Variants in NDUFAF6 observed in about 807,000 individuals in gnomAD.
NDUFAF6 encodes NADH dehydrogenase (ubiquinone) complex I, assembly factor 6.
A neutral mutation model predicts 40.8 loss-of-function variants in NDUFAF6; 45 were observed. The observed-to-expected ratio is 1.10, with a 90% CI of 0.87 to 1.42. NDUFAF6 has a LOEUF of 1.42. NDUFAF6 is among the 40% of genes most tolerant of loss of function. The pLI, the probability that NDUFAF6 is intolerant of heterozygous loss-of-function variation, is 0.00. For synonymous variants in NDUFAF6, 185 were observed against 155.9 expected (o/e 1.19, Z -1.39); for missense variants, 435 against 418.5 (o/e 1.04, Z -0.34).
At chr8:94,996,544 T>C (rs1172548935) in intron 2 of NDUFAF6, among the ~76,000 whole-genome samples, 9 of 152,220 alleles carry the variant, frequency 5.9e-5, no homozygotes. Flanking sequence ...GATAATTGGA[T>C]AGTTGATCTT....
At position 94,984,994 on chromosome 8, in the gene NDUFAF6, G is replaced by A. The variant is rs550060775; in HGVS notation, c.-84+4021G>A. ...CATTCTCAATGTATTTTCCTTGGTGGTAGGGCTGCCTTCCTCTCTGAAGGC... is the reference window on the plus strand; with the variant it reads ...CATTCTCAATGTATTTTCCTTGGTGATAGGGCTGCCTTCCTCTCTGAAGGC... On this transcript the variant is annotated intron_variant, in intron 2 of 9. Coordinates refer to the NDUFAF6 transcript ENST00000396111. Among the ~76,000 whole-genome samples, 16 of 152,182 alleles carry A rather than the reference G, an allele frequency of 1.1e-4. No individual in the cohort carries two copies. In the South Asian group the frequency reaches 3.3e-3, roughly 32 times the overall value.
intron 2 of NDUFAF6, among the ~76,000 whole-genome samples, chr8:94,990,497 C>T (rs115030452): frequency 0.01 from 1,546 of 152,188 alleles, 27 homozygotes; most frequent in African/African-American, 0.035. Context: ...TCTTGAGTTC[C>T]CTGCTCTCTT....
At chr8:94,937,020 T>C (rs1821044635) in intron 1 of NDUFAF6, among the ~76,000 whole-genome samples, 1 of 152,174 alleles carries the variant, frequency 6.6e-6, no homozygotes, top group African/African-American at 2.4e-5. Context: ...AGCTACAAAA[T>C]GGGTCTTGAG....
chr8:94,965,792 G>A (rs117279657), intron 1 of NDUFAF6, among the ~76,000 whole-genome samples: 1 of 152,320 alleles, frequency 6.6e-6, no homozygotes, highest in Non-Finnish European at 1.5e-5. Flanking sequence ...CTGGGAATAT[G>A]GACAGGGATG....
Position 94,990,743 on chromosome 8 carries a change from G to C in NDUFAF6, c.-84+9770G>C, listed in dbSNP as rs16917192. On this transcript the variant is annotated intron_variant, in intron 2 of 9. Coordinates refer to the NDUFAF6 transcript ENST00000396111. ...ATTTCCTCATGACAGGGAAAAAATG[G>C]ACAATTGGTCAACTTGACAAATGAG... is the stretch of plus-strand genomic sequence containing the variant. Among the ~76,000 whole-genome samples, 120 of 152,316 alleles carry C rather than the reference G, an allele frequency of 7.9e-4. 2 individuals are homozygous for C. The East Asian group carries it at 0.01, about 13-fold the overall frequency.
chr8:94,961,934 G>A (rs994410964), intron 1 of NDUFAF6, among the ~76,000 whole-genome samples: 5 of 152,188 alleles, frequency 3.3e-5, no homozygotes, highest in African/African-American at 4.8e-5. Context: ...GCCAGGGCCC[G>A]TCTCCAGCAT....
rs1402671627 is a variant in NDUFAF6, at chr8:95,111,643, A to G, written n.345-3893A>G. Among the ~76,000 whole-genome samples the G allele has an allele frequency of 5.9e-5, 9 of 151,990 alleles. No homozygotes were observed. The East Asian group carries it at 1.4e-3, about 23-fold the overall frequency. On this transcript the variant is annotated intron_variant and non_coding_transcript_variant, in intron 4 of 5. Coordinates refer to the NDUFAF6 transcript ENST00000523184. ...GCAGCATTCCTCCAGGCACACACAC[A>G]CCTGCCTGCTCATCGTGGGCACCAG...
chr8:94,964,721 G>A (rs762806325), intron 1 of NDUFAF6, among the ~76,000 whole-genome samples: 15 of 152,278 alleles, frequency 9.9e-5, no homozygotes, highest in African/African-American at 2.9e-4. Flanking sequence ...GGATGGCACC[G>A]AGCCATTCAT....
At chr8:94,998,972 CT>C (rs1214752525) in intron 2 of NDUFAF6, among the ~76,000 whole-genome samples, 4 of 151,926 alleles carry the variant, frequency 2.6e-5, no homozygotes, top group Non-Finnish European at 4.4e-5. Flanking sequence ...GGTTTTCAAA[CT>C]TCTTGACCAC....
upstream of NDUFAF6, among the ~76,000 whole-genome samples, chr8:95,095,500 C>A (rs979666607): frequency 6.6e-6 from 1 of 152,058 alleles, no homozygotes; most frequent in Non-Finnish European, 1.5e-5. Flanking sequence ...ATCCAGCACA[C>A]GTGGGAAGGT....
intron 3 of NDUFAF6, among the ~76,000 whole-genome samples, chr8:95,037,704 TAGTA>T (rs1194432524): frequency 6.6e-6 from 1 of 152,212 alleles, no homozygotes; most frequent in Non-Finnish European, 1.5e-5. Flanking sequence ...CCTTTACATT[TAGTA>T]TCAGTGACAT....
At chr8:95,096,278 GAC>G (rs1267505503), upstream of NDUFAF6, among the ~76,000 whole-genome samples, 1 of 152,178 alleles carries the variant, frequency 6.6e-6, no homozygotes, top group Admixed American at 6.5e-5. Context: ...CTGGGCAAGA[GAC>G]ACTGCAGACA....
chr8:95,029,259 A>C (rs1418996592), intron 1 of NDUFAF6, among the ~76,000 whole-genome samples: 1 of 152,210 alleles, frequency 6.6e-6, no homozygotes, highest in East Asian at 1.9e-4. Context: ...CCTGGAGTGA[A>C]TATGGTAAGG....
chr8:94,929,076 C>T (rs1263802546), intron 1 of NDUFAF6: 1 of 152,612 alleles, frequency 6.6e-6, no homozygotes, highest in Non-Finnish European at 1.5e-5. Context: ...AATAGATTTT[C>T]TCTAAGTTAA....
chr8:95,042,826 A>AT (rs1454232697), intron 4 of NDUFAF6, among the ~76,000 whole-genome samples: 3 of 152,232 alleles, frequency 2.0e-5, no homozygotes, highest in Non-Finnish European at 4.4e-5. Context: ...GAGTCCAGAT[A>AT]TAAACCCATA....
At chr8:94,937,071 G>A (rs768200938) in intron 1 of NDUFAF6, among the ~76,000 whole-genome samples, 10 of 152,110 alleles carry the variant, frequency 6.6e-5, no homozygotes, top group Non-Finnish European at 1.3e-4. Context: ...CTTAACCAAT[G>A]GAAGATGCAA....
At chr8:94,930,348 A>G (rs1397716392) in intron 1 of NDUFAF6, 1 of 1,299,078 alleles carries the variant, frequency 7.7e-7, no homozygotes, top group Non-Finnish European at 1.1e-6. Flanking sequence ...GATAGTGTCT[A>G]AATACACTGA....
chr8:95,035,617 T>C, intron 3 of NDUFAF6, 41 bp downstream of exon 3: 20 of 1,576,244 alleles, frequency 1.3e-5, no homozygotes, highest in Non-Finnish European at 1.7e-5. Context: ...GTATGAATAT[T>C]ATTCGAGTCT....
downstream of NDUFAF6, among the ~76,000 whole-genome samples, chr8:95,059,107 T>G (rs1832497826): frequency 6.6e-6 from 1 of 152,186 alleles, no homozygotes; most frequent in Non-Finnish European, 1.5e-5. Context: ...AAAACCCAAA[T>G]TTTTTACATT....
Sources: allele counts gnomAD v4.1 joint callset (sites outside exome capture counted in the v4.1 genomes callset), GRCh38; gene constraint gnomAD v4.1.1; transcripts MANE v1.5; gene names NCBI Gene and HGNC (gene_info 2026-07-23, HGNC 2026-07-21).